ARPC2: variants seen among roughly 807,000 people sequenced by gnomAD.
ARPC2 encodes the protein actin-related protein 2/3 complex subunit 2.
In ARPC2, 4 loss-of-function variants were observed where a neutral mutation model predicts 38.6. The ratio of observed to expected loss-of-function variants is 0.10; its 90% confidence interval spans 0.05 to 0.24. ARPC2 has a LOEUF of 0.24. Among genes scored for constraint, ARPC2 ranks in the 10% least tolerant of loss-of-function variants. ARPC2 has a pLI of 1.00. For synonymous variants in ARPC2, 125 were observed against 140.8 expected, an observed-to-expected ratio of 0.89 and a Z score of 0.79; for missense variants, 229 against 387.3, an observed-to-expected ratio of 0.59 and a Z score of 3.43.
chr2:218,252,683 G>A (rs1690220745), intron 10 of ARPC2, among the ~76,000 whole-genome samples: 1 of 152,162 alleles, frequency 6.6e-6, no homozygotes, highest in African/African-American at 2.4e-5. Flanking sequence ...AATAGTCTCA[G>A]GGCTGCCAGC....
intron 2 of ARPC2, among the ~76,000 whole-genome samples, chr2:218,221,971 C>T (rs1368276421): frequency 6.6e-6 from 1 of 152,068 alleles, no homozygotes; most frequent in Non-Finnish European, 1.5e-5. Context: ...CATAAATGCC[C>T]AAATGGGGAA....
chr2:218,223,258 C>T (rs779969267), intron 2 of ARPC2, among the ~76,000 whole-genome samples: 4 of 152,246 alleles, frequency 2.6e-5, no homozygotes, highest in Non-Finnish European at 5.9e-5. Context: ...CCGCCCAGGA[C>T]ATGAATCATC....
chr2:218,227,644 G>A (rs985365354), intron 3 of ARPC2, among the ~76,000 whole-genome samples: 3 of 151,398 alleles, frequency 2.0e-5, no homozygotes, highest in Admixed American at 2.0e-4. Flanking sequence ...AGGCTGGAGT[G>A]CAATGGCATG....
chr2:218,249,667 C>A (rs1342021366), intron 9 of ARPC2, 154 bp from the exon 10 acceptor site: 2 of 803,988 alleles, frequency 2.5e-6, no homozygotes, highest in South Asian at 1.8e-5. Flanking sequence ...ATATTTGTTT[C>A]CAGAATTGCT....
intron 4 of ARPC2, among the ~76,000 whole-genome samples, chr2:218,231,568 G>T (rs1488136764): frequency 6.6e-6 from 1 of 152,106 alleles, no homozygotes; most frequent in Non-Finnish European, 1.5e-5. Context: ...TAAAGAAGTG[G>T]TATATCAGAC....
At chr2:218,253,410 C>T (rs1490950914) in intron 10 of ARPC2, among the ~76,000 whole-genome samples, 1 of 152,206 alleles carries the variant, frequency 6.6e-6, no homozygotes, top group African/African-American at 2.4e-5. Context: ...AGCAGAAATA[C>T]CTTTAGCCTT....
chr2:218,249,655 G>A (rs1690133014), intron 9 of ARPC2, 166 bp from the exon 10 acceptor site: 1 of 768,142 alleles, frequency 1.3e-6, no homozygotes, highest in African/African-American at 1.8e-5. Context: ...TAGCAGAGAT[G>A]AATATTTGTT....
At chr2:218,229,026 TCTTG>T in intron 4 of ARPC2, 176 bp downstream of exon 4, 2 of 484,804 alleles carry the variant, frequency 4.1e-6, no homozygotes, top group Non-Finnish European at 7.4e-6. Context: ...AGGTTTTGAC[TCTTG>T]CTTGCTTGCT....
intron 9 of ARPC2, 146 bp from the exon 10 acceptor site, chr2:218,249,675 G>C: frequency 3.6e-6 from 3 of 825,344 alleles, no homozygotes; most frequent in Middle Eastern, 2.3e-4. Flanking sequence ...TTCCAGAATT[G>C]CTCACCTTCC....
At chr2:218,241,231 C>T (rs923608886) in intron 7 of ARPC2, among the ~76,000 whole-genome samples, 1 of 152,202 alleles carries the variant, frequency 6.6e-6, no homozygotes, top group African/African-American at 2.4e-5. Context: ...TTTGCATAGC[C>T]TTCTAAGTGG....
At chr2:218,250,965 A>C (rs1690174771) in intron 10 of ARPC2, among the ~76,000 whole-genome samples, 1 of 151,578 alleles carries the variant, frequency 6.6e-6, no homozygotes, top group African/African-American at 2.4e-5. Flanking sequence ...CCTCCCAACT[A>C]GCTGGGACTG....
chr2:218,219,181 A>G (rs1411271765), intron 2 of ARPC2, among the ~76,000 whole-genome samples: 1 of 152,202 alleles, frequency 6.6e-6, no homozygotes, highest in East Asian at 1.9e-4. Context: ...TTAACATAGG[A>G]GTACATTCTC....
intron 7 of ARPC2, among the ~76,000 whole-genome samples, chr2:218,243,816 G>A (rs576817320): frequency 3.3e-5 from 5 of 152,288 alleles, no homozygotes; most frequent in Admixed American, 1.3e-4. Context: ...GAAACGTATC[G>A]TTGACCGAGC....
chr2:218,222,934 G>C (rs1011472427), intron 2 of ARPC2, among the ~76,000 whole-genome samples: 5 of 152,216 alleles, frequency 3.3e-5, no homozygotes, highest in Non-Finnish European at 5.9e-5. Context: ...ATGGCACACA[G>C]AACATGATTG....
intron 2 of ARPC2, among the ~76,000 whole-genome samples, chr2:218,220,105 G>C (rs1160708075): frequency 6.6e-6 from 1 of 152,192 alleles, no homozygotes; most frequent in Non-Finnish European, 1.5e-5. Flanking sequence ...GCCAAGTTAG[G>C]GAGGTGCTAA....
intron 9 of ARPC2, 92 bp from the exon 10 acceptor site, chr2:218,249,729 C>A: frequency 7.8e-7 from 1 of 1,284,250 alleles, no homozygotes; most frequent in South Asian, 1.3e-5. Context: ...TGTATGTTCC[C>A]AACCGCCCTT....
At chr2:218,227,992 C>G (rs753761000) in intron 3 of ARPC2, among the ~76,000 whole-genome samples, 1 of 152,180 alleles carries the variant, frequency 6.6e-6, no homozygotes, top group Non-Finnish European at 1.5e-5. Context: ...TCTTCTGTAT[C>G]TTCCAAAGAT....
intron 7 of ARPC2, among the ~76,000 whole-genome samples, chr2:218,244,458 G>A (rs1689985432): frequency 6.6e-6 from 1 of 152,252 alleles, no homozygotes; most frequent in African/African-American, 2.4e-5. Flanking sequence ...TCTCAGCAAG[G>A]CATGTGCTGC....
chr2:218,220,094 A>T (rs774144634), intron 2 of ARPC2, among the ~76,000 whole-genome samples: 3 of 152,202 alleles, frequency 2.0e-5, no homozygotes, highest in Non-Finnish European at 4.4e-5. Flanking sequence ...AGAGCCTATT[A>T]GCCAAGTTAG....
Sources: allele counts gnomAD v4.1 joint callset (sites outside exome capture counted in the v4.1 genomes callset), GRCh38; gene constraint gnomAD v4.1.1; transcripts MANE v1.5; gene names NCBI Gene and HGNC (gene_info 2026-07-23, HGNC 2026-07-21).